CSF1R: variants seen among roughly 807,000 people sequenced by gnomAD.
CSF1R encodes the protein colony stimulating factor 1 receptor, also known as macrophage colony-stimulating factor 1 receptor.
A neutral mutation model predicts 110.0 loss-of-function variants in CSF1R; 40 were observed. The observed-to-expected ratio is 0.36, with a 90% CI of 0.28 to 0.47. The LOEUF (loss-of-function observed/expected upper bound fraction) is 0.47. Ranked by LOEUF, CSF1R falls within the 20% of genes least tolerant of loss-of-function variation. The pLI, the probability that CSF1R is intolerant of heterozygous loss-of-function variation, is 0.99. For synonymous variants in CSF1R, 523 were observed against 503.4 expected, an observed-to-expected ratio of 1.04 and a Z score of -0.52; for missense variants, 1,052 against 1,253.0, an observed-to-expected ratio of 0.84 and a Z score of 2.42.
At chr5:150,080,395 C>G in intron 2 of CSF1R, 59 bp from the exon 3 acceptor site, 6 of 1,572,346 alleles carry the variant, frequency 3.8e-6, no homozygotes, top group Non-Finnish European at 5.2e-6. Flanking sequence ...CCAAGGAGTA[C>G]CTGGACATAG....
At chr5:150,108,817 G>C (rs962208277) in intron 1 of CSF1R, among the ~76,000 whole-genome samples, 2 of 129,972 alleles carry the variant, frequency 1.5e-5, no homozygotes, top group African/African-American at 3.1e-5. Flanking sequence ...CTGAGCAGGT[G>C]GGGGGTGGGA....
chr5:150,055,186 C>A, intron 19 of CSF1R, 51 bp downstream of exon 19: 1 of 1,531,424 alleles, frequency 6.5e-7, no homozygotes, highest in Non-Finnish European at 9.0e-7. Flanking sequence ...CCATCCCTTT[C>A]CAGCGAAAGC....
At chr5:150,088,061 A>G (rs1005166818), upstream of CSF1R, among the ~76,000 whole-genome samples, 1 of 152,104 alleles carries the variant, frequency 6.6e-6, no homozygotes, top group African/African-American at 2.4e-5. Context: ...AAATTGAAAA[A>G]TCCTGATATA....
chr5:150,069,941 T>A lies in CSF1R; in HGVS notation c.1442A>T (p.Gln481Leu). The A allele has an allele frequency of 6.2e-7, 1 of 1,614,114 alleles. No individual in the cohort carries two copies. The highest frequency in any genetic ancestry group is 8.5e-7 in the Non-Finnish European group (1 of 1,179,988). ...LLTVETLEHNQTYECRAHNSV... is the reference protein window; with the variant it reads ...LLTVETLEHNLTYECRAHNSV... ...GTTGTGGGCCCTGCACTCGTAGGTTTGGTTGTGCTCTAAGGTCTCAACAGT... is the reference window on the plus strand; with the variant it reads ...GTTGTGGGCCCTGCACTCGTAGGTTAGGTTGTGCTCTAAGGTCTCAACAGT... Residue 481 changes from glutamine (Q) to leucine (L), a missense_variant, in exon 9 of 21, where the codon CAA (glutamine) becomes CTA (leucine). Physicochemically the swap from Gln to Leu is moderately radical, Grantham distance 113. Around this residue, in one of 5 missense-constraint regions of CSF1R, gnomAD observed 693 missense variants for 735.4 expected, o/e 0.94. Coordinates refer to ENST00000675795, the MANE Select transcript of CSF1R (RefSeq NM_001288705.3).
At chr5:150,070,383 G>A (rs1028371935) in intron 7 of CSF1R, 73 bp downstream of exon 7, 1 of 1,580,332 alleles carries the variant, frequency 6.3e-7, no homozygotes, top group Non-Finnish European at 8.6e-7. Flanking sequence ...CCTGTGCCCT[G>A]CCCCAGTCAA....
upstream of CSF1R, among the ~76,000 whole-genome samples, chr5:150,090,325 T>C (rs754633775): frequency 6.6e-6 from 1 of 152,206 alleles, no homozygotes; most frequent in African/African-American, 2.4e-5. Context: ...TCACTCTTGG[T>C]GCATAGTTCT....
chr5:150,068,338 G>A lies in CSF1R; in HGVS notation c.1511-8C>T. ...GGGGATGCGTGTGGGCTCCTGGAAGGCATGAAGCAAAGCAGTGAGCAGGCA... is the reference window on the plus strand; with the variant it reads ...GGGGATGCGTGTGGGCTCCTGGAAGACATGAAGCAAAGCAGTGAGCAGGCA... On this transcript the variant is annotated splice_region_variant and splice_polypyrimidine_tract_variant and intron_variant, in intron 9 of 20. Coordinates refer to ENST00000675795, the MANE Select transcript of CSF1R (RefSeq NM_001288705.3). The A allele has an allele frequency of 6.2e-7, 1 of 1,609,166 alleles. No homozygotes were observed. The highest frequency in any genetic ancestry group is 8.5e-7 in the Non-Finnish European group (1 of 1,177,150).
chr5:150,072,971 T>C (rs1758090265), intron 6 of CSF1R, among the ~76,000 whole-genome samples: 1 of 152,138 alleles, frequency 6.6e-6, no homozygotes, highest in South Asian at 2.1e-4. Context: ...TGCATTTGGA[T>C]TGGCCCCAAG....
At chr5:150,077,890 C>T (rs1758344062) in intron 4 of CSF1R, among the ~76,000 whole-genome samples, 2 of 151,774 alleles carry the variant, frequency 1.3e-5, no homozygotes, top group South Asian at 4.2e-4. Context: ...CCTCCCCCCA[C>T]CCACCCCCAC....
chr5:150,100,090 G>T (rs190138743), intron 1 of CSF1R, among the ~76,000 whole-genome samples: 1 of 152,020 alleles, frequency 6.6e-6, no homozygotes, highest in South Asian at 2.1e-4. Context: ...GGACGCACCC[G>T]TGCCAGTTAT....
At position 150,073,369 on chromosome 5, in the gene CSF1R, G is replaced by A. The variant is rs2113815218; in HGVS notation, c.1014C>T (p.Tyr338=). 1 of 1,614,136 alleles carries A rather than the reference G, an allele frequency of 6.2e-7. No homozygotes were observed. Among genetic ancestry groups the A allele is most frequent in the Non-Finnish European group, 8.5e-7 (1 of 1,180,024 alleles). ...GCTGGTGGTCAGAAAAGGGTCCCAG[G>A]TAGGTCCAGTTAAAACCTTGCAGGC... is the stretch of plus-strand genomic sequence containing the variant. ...YPGLQGFNWT[Y]LGPFSDHQPE... The change falls in exon 6 of 21, where the codon TAC becomes TAT. Residue 338 remains tyrosine (Y), a synonymous_variant. Transcript: ENST00000675795.
chr5:150,092,869 T>C (rs372278005), intron 1 of CSF1R, among the ~76,000 whole-genome samples: 26 of 152,242 alleles, frequency 1.7e-4, no homozygotes, highest in African/African-American at 5.8e-4. Flanking sequence ...CAATAATAAC[T>C]AATAATACAA....
At chr5:150,081,135 G>T in intron 1 of CSF1R, 111 bp from the exon 2 acceptor site, 1 of 1,291,048 alleles carries the variant, frequency 7.7e-7, no homozygotes, top group East Asian at 2.5e-5. Context: ...GTGCCATCAA[G>T]GGACCACCTT....
At chr5:150,056,697 A>G (rs1446154970) in intron 16 of CSF1R, among the ~76,000 whole-genome samples, 1 of 151,988 alleles carries the variant, frequency 6.6e-6, no homozygotes, top group African/African-American at 2.4e-5. Flanking sequence ...GCTATCTGCC[A>G]GGCCCTTCCC....
chr5:150,087,318 T>C (rs1293155019), upstream of CSF1R, among the ~76,000 whole-genome samples: 1 of 152,224 alleles, frequency 6.6e-6, no homozygotes, highest in Non-Finnish European at 1.5e-5. Context: ...CCTGATAATA[T>C]TGGCAATAAG....
upstream of CSF1R, among the ~76,000 whole-genome samples, chr5:150,088,956 A>G (rs185853346): frequency 3.3e-5 from 5 of 152,380 alleles, no homozygotes; most frequent in East Asian, 9.6e-4. Flanking sequence ...ACATTAATAG[A>G]ATGAAAAAAA....
At chr5:150,094,781 C>T in intron 1 of CSF1R, 1 of 1,583,384 alleles carries the variant, frequency 6.3e-7, no homozygotes, top group Non-Finnish European at 8.6e-7. Flanking sequence ...GTGGTTATGG[C>T]AAAATCAATA....
chr5:150,094,269 A>G (rs1759140734), intron 1 of CSF1R: 2 of 1,435,652 alleles, frequency 1.4e-6, no homozygotes, highest in African/African-American at 2.8e-5. Flanking sequence ...GCACTTTAGA[A>G]CAGAGCTTCA....
chr5:150,068,351 C>T lies in CSF1R; in HGVS notation c.1511-21G>A, dbSNP rs765128792. ...GGCTCCTGGAAGGCATGAAGCAAAG[C>T]AGTGAGCAGGCAGGGGTGCCTCCGA... is the stretch of plus-strand genomic sequence containing the variant. On this transcript the variant is annotated intron_variant, in intron 9 of 20. Transcript: ENST00000675795. 22 of 1,597,082 alleles carry T rather than the reference C, an allele frequency of 1.4e-5. No homozygotes were observed. In the East Asian group the frequency reaches 4.9e-4, roughly 36 times the overall value.
Sources: allele counts gnomAD v4.1 joint callset (sites outside exome capture counted in the v4.1 genomes callset), GRCh38; gene constraint gnomAD v4.1.1; regional missense constraint gnomAD v4.1.1; transcripts MANE v1.5; gene names NCBI Gene and HGNC (gene_info 2026-07-23, HGNC 2026-07-21).